The following GRIN2A variants were observed in gnomAD, a reference collection of about 807,000 sequenced individuals.
The protein encoded by GRIN2A is glutamate receptor ionotropic, NMDA 2A.
GRIN2A carries 22 observed loss-of-function variants against 113.4 expected under a neutral mutation model. The ratio of observed to expected loss-of-function variants is 0.19; its 90% CI spans 0.14 to 0.28. The LOEUF (loss-of-function observed/expected upper bound fraction) is 0.28, where lower values mean the gene tolerates loss of function less well. Among genes scored for constraint, GRIN2A ranks in the 10% least tolerant of loss-of-function variants. The pLI is 1.00. For missense variants in GRIN2A, 1,502 were observed against 1,887.0 expected (o/e 0.80, Z 3.78); for synonymous variants, 827 against 738.4 (o/e 1.12, Z -1.94).
In GRIN2A at chr16:9,764,539, G is replaced by T. The variant is rs749997301; in HGVS notation, c.3005C>A (p.Thr1002Lys). The T allele has an allele frequency of 1.2e-6, 2 of 1,613,954 alleles. No homozygotes were observed. The highest frequency in any genetic ancestry group is 1.7e-5 in the Admixed American group (1 of 60,028). ...GGGTCTAGAGTTCGCTTTGGATTCTGTGCTCACGGCCACCTCCACCGTGTT... is the reference window on the plus strand; with the variant it reads ...GGGTCTAGAGTTCGCTTTGGATTCTTTGCTCACGGCCACCTCCACCGTGTT... ...NPNTVEVAVS[T>K]ESKANSRPRQ... is the part of the protein sequence containing the mutation. Residue 1002 changes from threonine (T) to lysine (K), a missense_variant, in exon 13 of 13, where the codon ACA becomes AAA. This residue lies in a region of GRIN2A where 832 missense variants were observed against 789.7 expected (regional missense o/e 1.05). Transcript: ENST00000330684.
At chr16:10,132,818 G>C (rs1053503540) in intron 2 of GRIN2A, among the ~76,000 whole-genome samples, 2 of 152,330 alleles carry the variant, frequency 1.3e-5, no homozygotes, top group East Asian at 3.9e-4. Flanking sequence ...GTAACAAATT[G>C]CCATAAAGTT....
chr16:10,027,033 T>C (rs11644461), intron 2 of GRIN2A, among the ~76,000 whole-genome samples: 50,539 of 152,076 alleles, frequency 0.33, 9,057 homozygotes, highest in Non-Finnish European at 0.39. Context: ...ACTTTTTGCC[T>C]AGTGCTTATT....
chr16:10,095,459 T>G (rs2048269997), intron 2 of GRIN2A, among the ~76,000 whole-genome samples: 1 of 152,080 alleles, frequency 6.6e-6, no homozygotes, highest in African/African-American at 2.4e-5. Flanking sequence ...TAATATAAAG[T>G]ATAAAAGTAA....
intron 2 of GRIN2A, among the ~76,000 whole-genome samples, chr16:10,125,065 C>G (rs2142195845): frequency 6.6e-6 from 1 of 152,264 alleles, no homozygotes; most frequent in Middle Eastern, 3.4e-3. Context: ...TGCAGGGTCT[C>G]TTCATAGGCC....
chr16:10,160,484 C>T (rs79329734), intron 2 of GRIN2A, among the ~76,000 whole-genome samples: 1,639 of 152,278 alleles, frequency 0.011, 30 homozygotes, highest in African/African-American at 0.037. Flanking sequence ...GTGGGGACCT[C>T]ATGACAACAC....
At chr16:10,111,509 A>C in intron 2 of GRIN2A, 2 of 713,236 alleles carry the variant, frequency 2.8e-6, no homozygotes, top group South Asian at 2.9e-5. Flanking sequence ...TGGTTCATAG[A>C]TTTCATAGCT....
At chr16:10,141,569 T>C (rs1326502867) in intron 2 of GRIN2A, among the ~76,000 whole-genome samples, 4 of 152,174 alleles carry the variant, frequency 2.6e-5, no homozygotes, top group Non-Finnish European at 5.9e-5. Flanking sequence ...CAAATCCAAA[T>C]GACACCTGGA....
At chr16:10,141,064 T>C (rs141707566) in intron 2 of GRIN2A, among the ~76,000 whole-genome samples, 7,051 of 152,094 alleles carry the variant, frequency 0.046, 374 homozygotes, top group African/African-American at 0.13. Flanking sequence ...CATGGTGGTA[T>C]GCACCTGTAG....
In GRIN2A at chr16:9,930,946, ATGT is replaced by A. The variant is rs146654231; in HGVS notation, c.1007+7010_1007+7012del. ...CTTTCTGCAGGGGTAATAATTTACA[ATGT>A]TGTTGGTTTTTAAAGCTGAAGCCTG... On this transcript the variant is annotated intron_variant, in intron 3 of 12. Transcript: ENST00000330684. 3.9e-4 allele frequency among the ~76,000 whole-genome samples: 59 copies of A among 152,326 alleles called. No individual in the cohort carries two copies. The East Asian group carries it at 0.011, about 28-fold the overall frequency.
chr16:9,980,679 C>G (rs2141773427), intron 2 of GRIN2A, among the ~76,000 whole-genome samples: 1 of 152,132 alleles, frequency 6.6e-6, no homozygotes, highest in East Asian at 1.9e-4. Flanking sequence ...GAGTTCATGT[C>G]CTTTGTAGGG....
chr16:9,989,468 G>C (rs757276269), intron 2 of GRIN2A, among the ~76,000 whole-genome samples: 1 of 151,940 alleles, frequency 6.6e-6, no homozygotes, highest in African/African-American at 2.4e-5. Context: ...TACTGTTCTG[G>C]ACATTAGCCT....
At chr16:10,003,214 T>C (rs1305391745) in intron 2 of GRIN2A, among the ~76,000 whole-genome samples, 1 of 152,060 alleles carries the variant, frequency 6.6e-6, no homozygotes, top group Non-Finnish European at 1.5e-5. Flanking sequence ...CCTGTCCAGA[T>C]GAAGAGCAGA....
intron 2 of GRIN2A, among the ~76,000 whole-genome samples, chr16:10,056,347 T>C (rs985348892): frequency 6.6e-6 from 1 of 152,084 alleles, no homozygotes; most frequent in Non-Finnish European, 1.5e-5. Context: ...CAAATAATCA[T>C]TCACCCTTCT....
chr16:10,105,190 C>G (rs1271900854), intron 2 of GRIN2A, among the ~76,000 whole-genome samples: 3 of 151,974 alleles, frequency 2.0e-5, no homozygotes, highest in African/African-American at 7.3e-5. Flanking sequence ...GCCCTGAACC[C>G]CTGACAAAAA....
intron 2 of GRIN2A, among the ~76,000 whole-genome samples, chr16:10,053,417 A>C (rs1477304889): frequency 6.6e-6 from 1 of 152,198 alleles, no homozygotes; most frequent in African/African-American, 2.4e-5. Flanking sequence ...AAATTACCCA[A>C]AGTCAGCCAG....
At chr16:9,945,634 G>C (rs752370620) in intron 2 of GRIN2A, among the ~76,000 whole-genome samples, 1 of 152,304 alleles carries the variant, frequency 6.6e-6, no homozygotes, top group Middle Eastern at 3.4e-3. Context: ...GGGGGATTTT[G>C]TGTAAGATAA....
At position 9,795,572 on chromosome 16, in the gene GRIN2A, C is replaced by A. The variant is rs888024918; in HGVS notation, c.2356+2705G>T. 7.2e-5 allele frequency among the ~76,000 whole-genome samples: 11 copies of A among 152,198 alleles called. No homozygotes were observed. The East Asian group carries it at 2.1e-3, about 29-fold the overall frequency. On this transcript the variant is annotated intron_variant, in intron 11 of 12. Coordinates refer to ENST00000330684, the MANE Select transcript of GRIN2A (RefSeq NM_001134407.3). ...CTTGCATGAGATCCAAGAACCCTCT[C>A]TTGAGGTCTGCATTGGGACCCCTTT...
At position 9,978,406 on chromosome 16, in the gene GRIN2A, G is replaced by A. The variant is rs146914882; in HGVS notation, c.415-39855C>T. 4.1e-4 allele frequency among the ~76,000 whole-genome samples: 63 copies of A among 152,238 alleles called. No individual in the cohort carries two copies. The East Asian group carries it at 0.011, about 28-fold the overall frequency. ...TAATTCCCAGCCTTGCTGGTTTATT[G>A]TGATGATTAACATGAGTATGGAAGG... On this transcript the variant is annotated intron_variant, in intron 2 of 12. Transcript: ENST00000330684.
intron 2 of GRIN2A, among the ~76,000 whole-genome samples, chr16:10,128,568 T>C (rs1186733824): frequency 6.6e-6 from 1 of 152,196 alleles, no homozygotes; most frequent in Non-Finnish European, 1.5e-5. Flanking sequence ...CACCCCACTC[T>C]TCTAGGCTAG....
Sources: gnomAD v4.1 joint callset for allele counts (sites outside exome capture counted in the v4.1 genomes callset) on GRCh38, gnomAD v4.1.1 for gene constraint, gnomAD v4.1.1 regional missense constraint, MANE v1.5 for transcripts, NCBI Gene and HGNC (gene_info 2026-07-23, HGNC 2026-07-21) for gene names.